SLC25A31: variants seen among roughly 807,000 people sequenced by gnomAD.
The protein encoded by SLC25A31 is ADP/ATP translocase 4.
A neutral mutation model predicts 36.2 loss-of-function variants in SLC25A31; 40 were observed. The ratio of observed to expected loss-of-function variants is 1.10; its 90% confidence interval spans 0.86 to 1.44. The LOEUF is 1.44. SLC25A31 is among the 40% of genes most tolerant of loss of function. SLC25A31 has a pLI of 0.00. For synonymous variants in SLC25A31, 143 were observed against 149.7 expected (o/e 0.96, Z 0.32); for missense variants, 350 against 397.1 (o/e 0.88, Z 1.01).
At chr4:127,765,422 A>T (rs1457181895) in intron 3 of SLC25A31, among the ~76,000 whole-genome samples, 1 of 152,060 alleles carries the variant, frequency 6.6e-6, no homozygotes, top group Non-Finnish European at 1.5e-5. Context: ...TCATTCTGTC[A>T]TGTTCTCTTA....
intron 3 of SLC25A31, 125 bp downstream of exon 3, chr4:127,764,485 A>T: frequency 1.4e-6 from 1 of 730,288 alleles, no homozygotes; most frequent in Non-Finnish European, 2.2e-6. Flanking sequence ...TCTCAACCAA[A>T]TGGTGGAGTC....
At chr4:127,760,306 A>G (rs531101739) in intron 2 of SLC25A31, among the ~76,000 whole-genome samples, 7 of 152,334 alleles carry the variant, frequency 4.6e-5, no homozygotes, top group African/African-American at 1.7e-4. Flanking sequence ...TGTGCCTACT[A>G]TATATGTTGT....
At chr4:127,762,477 T>C (rs912530643) in intron 2 of SLC25A31, among the ~76,000 whole-genome samples, 1 of 152,152 alleles carries the variant, frequency 6.6e-6, no homozygotes, top group Non-Finnish European at 1.5e-5. Context: ...CTTTTTGGTG[T>C]GATGAAAATA....
intron 1 of SLC25A31, among the ~76,000 whole-genome samples, chr4:127,735,876 A>ATTATTTTTT (rs1578654640): frequency 1.4e-5 from 1 of 73,756 alleles, no homozygotes; most frequent in East Asian, 3.6e-4. Flanking sequence ...TATTTTATTT[A>ATTATTTTTT]TTTATTTATT....
chr4:127,764,445 G>C (rs1732201560), intron 3 of SLC25A31, 85 bp downstream of exon 3: 1 of 1,131,444 alleles, frequency 8.8e-7, no homozygotes, highest in Admixed American at 1.9e-5. Context: ...TGCTATAATA[G>C]TGTTACCAGA....
At chr4:127,760,032 C>T (rs1732098621) in intron 2 of SLC25A31, among the ~76,000 whole-genome samples, 1 of 152,118 alleles carries the variant, frequency 6.6e-6, no homozygotes, top group South Asian at 2.1e-4. Flanking sequence ...ATGAGGGATC[C>T]TTCTCATGGA....
intron 3 of SLC25A31, among the ~76,000 whole-genome samples, chr4:127,765,009 G>A (rs922567543): frequency 1.3e-5 from 2 of 152,060 alleles, no homozygotes; most frequent in African/African-American, 4.8e-5. Flanking sequence ...TTTAGTATAT[G>A]TTTTTTCTTT....
chr4:127,746,000 C>G lies in SLC25A31; in HGVS notation c.360+1201C>G, dbSNP rs113188838. Reference sequence around the variant, plus strand: ...AGATCCCAATGTCTGTTTTTTCCTTCTTTGTATTCATAAGTTCTCATCATT... The same window carrying G: ...AGATCCCAATGTCTGTTTTTTCCTTGTTTGTATTCATAAGTTCTCATCATT... On this transcript the variant is annotated intron_variant, in intron 2 of 5. Coordinates refer to ENST00000281154, the MANE Select transcript of SLC25A31 (RefSeq NM_031291.4). Among the ~76,000 whole-genome samples the G allele has an allele frequency of 6.2e-3, 943 of 152,164 alleles. 9 individuals carry two copies. Among genetic ancestry groups the G allele is most frequent in the African/African-American group, 0.022 (900 of 41,532 alleles).
At chr4:127,770,480 G>C (rs1732333514) in intron 5 of SLC25A31, among the ~76,000 whole-genome samples, 2 of 151,968 alleles carry the variant, frequency 1.3e-5, no homozygotes, top group Admixed American at 1.3e-4. Context: ...CAAAAAATTA[G>C]CCAGGCGTGG....
chr4:127,749,935 A>C lies in SLC25A31; in HGVS notation c.360+5136A>C, dbSNP rs577634370. Among the ~76,000 whole-genome samples, 7 of 152,314 alleles carry C rather than the reference A, an allele frequency of 4.6e-5. No homozygotes were observed. In the South Asian group the frequency reaches 1.2e-3, roughly 27 times the overall value. ...ACCAACTTGCCAAAAGTCAAAAACAAAGAATTTTAAAAGTAGCAGAAAGAA... is the reference window on the plus strand; with the variant it reads ...ACCAACTTGCCAAAAGTCAAAAACACAGAATTTTAAAAGTAGCAGAAAGAA... On this transcript the variant is annotated intron_variant, in intron 2 of 5. Transcript: ENST00000281154.
intron 3 of SLC25A31, among the ~76,000 whole-genome samples, chr4:127,766,160 T>C (rs988501606): frequency 1.3e-5 from 2 of 151,558 alleles, no homozygotes; most frequent in Admixed American, 6.6e-5. Flanking sequence ...TTGTTTTTTT[T>C]TTTGTTTTTT....
intron 5 of SLC25A31, among the ~76,000 whole-genome samples, chr4:127,770,284 A>G (rs1452064197): frequency 3.3e-5 from 5 of 152,226 alleles, no homozygotes; most frequent in Non-Finnish European, 4.4e-5. Flanking sequence ...CCTGAATTTG[A>G]TAACTGTACT....
intron 3 of SLC25A31, among the ~76,000 whole-genome samples, chr4:127,766,694 C>T (rs1205905095): frequency 6.6e-6 from 1 of 152,158 alleles, no homozygotes. Context: ...AACTCCTGGC[C>T]TCAAGCAGTC....
chr4:127,731,073 A>G (rs1471190466), intron 1 of SLC25A31, among the ~76,000 whole-genome samples: 1 of 152,156 alleles, frequency 6.6e-6, no homozygotes, highest in Non-Finnish European at 1.5e-5. Context: ...CCAGAAGGAG[A>G]GTGGTTGACC....
chr4:127,734,053 G>A (rs1231666221), intron 1 of SLC25A31, among the ~76,000 whole-genome samples: 1 of 152,090 alleles, frequency 6.6e-6, no homozygotes, highest in Non-Finnish European at 1.5e-5. Flanking sequence ...AACTTTGTAT[G>A]TGTACTTTTA....
At chr4:127,760,981 C>T (rs1012687059) in intron 2 of SLC25A31, among the ~76,000 whole-genome samples, 1 of 134,562 alleles carries the variant, frequency 7.4e-6, no homozygotes, top group South Asian at 2.8e-4. Flanking sequence ...AAATTACTAA[C>T]TTACAACAAC....
At chr4:127,766,961 G>A (rs1007944834) in intron 3 of SLC25A31, 105 bp from the exon 4 acceptor site, 1 of 982,986 alleles carries the variant, frequency 1.0e-6, no homozygotes, top group Non-Finnish European at 1.4e-6. Flanking sequence ...TGTTAGATTT[G>A]TAAGTGGGAA....
intron 3 of SLC25A31, 78 bp downstream of exon 3, chr4:127,764,438 T>C: frequency 8.4e-7 from 1 of 1,190,504 alleles, no homozygotes. Flanking sequence ...TTAATTGTGC[T>C]ATAATAGTGT....
chr4:127,744,477 A>T (rs1380876089), intron 1 of SLC25A31, among the ~76,000 whole-genome samples, 195 bp from the exon 2 acceptor site: 1 of 152,182 alleles, frequency 6.6e-6, no homozygotes, highest in Non-Finnish European at 1.5e-5. Context: ...GAAATTTTTT[A>T]AAAAATGGAA....
Sources: allele counts gnomAD v4.1 joint callset (sites outside exome capture counted in the v4.1 genomes callset), GRCh38; gene constraint gnomAD v4.1.1; transcripts MANE v1.5; gene names NCBI Gene and HGNC (gene_info 2026-07-23, HGNC 2026-07-21).